Variants in MGMT observed in about 807,000 individuals in gnomAD.
MGMT encodes methylated-DNA--protein-cysteine methyltransferase.
In MGMT, 14 loss-of-function variants were observed where a neutral mutation model predicts 15.9. The observed-to-expected ratio is 0.88, with a 90% CI of 0.58 to 1.37. The LOEUF is 1.37. MGMT is among the 40% of genes most tolerant of loss of function. The pLI is 0.00. For synonymous variants in MGMT, 130 were observed against 118.2 expected, an observed-to-expected ratio of 1.10 and a Z score of -0.65; for missense variants, 282 against 268.1, an observed-to-expected ratio of 1.05 and a Z score of -0.36.
intron 3 of MGMT, among the ~76,000 whole-genome samples, chr10:129,728,305 T>G (rs1368588038): frequency 6.6e-6 from 1 of 152,038 alleles, no homozygotes; most frequent in African/African-American, 2.4e-5. Context: ...GGCATGGACG[T>G]GAGCGATGAA....
At chr10:129,631,742 T>C (rs1231839961) in intron 2 of MGMT, among the ~76,000 whole-genome samples, 1 of 152,194 alleles carries the variant, frequency 6.6e-6, no homozygotes, top group Non-Finnish European at 1.5e-5. Context: ...GAAAATCTCT[T>C]GAGCCTGGGA....
At chr10:129,652,220 T>C (rs1015301640) in intron 2 of MGMT, among the ~76,000 whole-genome samples, 1 of 152,210 alleles carries the variant, frequency 6.6e-6, no homozygotes, top group Non-Finnish European at 1.5e-5. Context: ...GGGCCGGCCA[T>C]GCGGAGAACA....
At chr10:129,732,017 C>G (rs1429873804) in intron 3 of MGMT, among the ~76,000 whole-genome samples, 1 of 152,166 alleles carries the variant, frequency 6.6e-6, no homozygotes, top group Non-Finnish European at 1.5e-5. Context: ...ATTTTGACCT[C>G]ACAAACCCCC....
rs373572921 is a variant in MGMT, at chr10:129,546,694, G to A, written c.125+10317G>A. On this transcript the variant is annotated intron_variant, in intron 2 of 4. Transcript: ENST00000651593. ...GTGTCAGGATTGCCCAGAGCTCCCC[G>A]GAGAGGAGCATCTCTCCTCTCCATG... Among the ~76,000 whole-genome samples the A allele has an allele frequency of 2.6e-4, 40 of 152,192 alleles. 1 individual carries two copies. The highest frequency in any genetic ancestry group is 3.4e-3 in the Middle Eastern group (1 of 294).
chr10:129,476,760 C>T (rs531711063), intron 1 of MGMT, among the ~76,000 whole-genome samples: 13 of 152,144 alleles, frequency 8.5e-5, no homozygotes, highest in South Asian at 6.2e-4. Flanking sequence ...TACAAGGGGC[C>T]GGGGACCCTC....
rs1303576337 is a variant in MGMT, at chr10:129,643,344, A to C, written c.126-64551A>C. 2.0e-5 allele frequency among the ~76,000 whole-genome samples: 3 copies of C among 152,244 alleles called. No homozygotes were observed. In the East Asian group the frequency reaches 5.8e-4, roughly 29 times the overall value. On this transcript the variant is annotated intron_variant, in intron 2 of 4. Coordinates refer to ENST00000651593, the MANE Select transcript of MGMT (RefSeq NM_002412.5). ...TTTGGAGAAGTCAGATGTTTAAAAC[A>C]TGAAAAGAAATGTAACTTTGAGTTG...
intron 1 of MGMT, among the ~76,000 whole-genome samples, chr10:129,468,304 G>T (rs1845193428): frequency 6.6e-6 from 1 of 152,150 alleles, no homozygotes; most frequent in African/African-American, 2.4e-5. Context: ...GCACCTGGTG[G>T]GTGGGGGTGT....
At chr10:129,702,962 G>A (rs1343906601) in intron 2 of MGMT, among the ~76,000 whole-genome samples, 8 of 152,200 alleles carry the variant, frequency 5.3e-5, no homozygotes, top group Admixed American at 2.0e-4. Context: ...GGCCGAGCGC[G>A]GCAGGGAAGG....
At chr10:129,587,381 C>G (rs1007748882) in intron 2 of MGMT, among the ~76,000 whole-genome samples, 1 of 146,462 alleles carries the variant, frequency 6.8e-6, no homozygotes, top group African/African-American at 2.5e-5. Flanking sequence ...GTTCACTAAT[C>G]TTTTCTTCTG....
At chr10:129,748,457 C>T (rs1848719296) in intron 3 of MGMT, among the ~76,000 whole-genome samples, 1 of 152,102 alleles carries the variant, frequency 6.6e-6, no homozygotes, top group African/African-American at 2.4e-5. Flanking sequence ...CTTTCTGATA[C>T]TGCAAGATTC....
At chr10:129,581,369 A>T (rs4751103) in intron 2 of MGMT, among the ~76,000 whole-genome samples, 35,229 of 152,092 alleles carry the variant, frequency 0.23, 4,691 homozygotes, top group Non-Finnish European at 0.3. Context: ...GAGACCTGCC[A>T]TTCCTCCGGT....
intron 3 of MGMT, among the ~76,000 whole-genome samples, chr10:129,730,157 G>C (rs1407421207): frequency 6.6e-6 from 1 of 152,192 alleles, no homozygotes; most frequent in Non-Finnish European, 1.5e-5. Context: ...GAGAGGGGCA[G>C]CCTACATACT....
At chr10:129,502,230 T>C (rs996749542) in intron 1 of MGMT, among the ~76,000 whole-genome samples, 1 of 152,224 alleles carries the variant, frequency 6.6e-6, no homozygotes, top group Non-Finnish European at 1.5e-5. Flanking sequence ...AATACCCACC[T>C]GTCCCTGGAG....
chr10:129,703,731 C>T (rs995040049), intron 2 of MGMT, among the ~76,000 whole-genome samples: 6 of 152,168 alleles, frequency 3.9e-5, no homozygotes, highest in East Asian at 1.9e-4. Context: ...CCACCACGGA[C>T]GCCAGCTCAT....
intron 1 of MGMT, among the ~76,000 whole-genome samples, chr10:129,512,769 G>A (rs1845698246): frequency 2.6e-5 from 4 of 152,208 alleles, no homozygotes; most frequent in Admixed American, 2.6e-4. Context: ...TGGTGAGGAT[G>A]TGGAGAAATT....
intron 2 of MGMT, among the ~76,000 whole-genome samples, chr10:129,638,740 T>G (rs1303385617): frequency 6.6e-6 from 1 of 152,038 alleles, no homozygotes; most frequent in East Asian, 1.9e-4. Flanking sequence ...ACCTTAACAA[T>G]TATAATAAAT....
At chr10:129,733,490 T>G (rs1158316314) in intron 3 of MGMT, among the ~76,000 whole-genome samples, 6 of 149,190 alleles carry the variant, frequency 4.0e-5, no homozygotes, top group African/African-American at 1.5e-4. Context: ...TTGCGAAAAT[T>G]TTCTCCCATT....
At chr10:129,474,538 C>T (rs1004352256) in intron 1 of MGMT, among the ~76,000 whole-genome samples, 2 of 152,146 alleles carry the variant, frequency 1.3e-5, no homozygotes, top group Non-Finnish European at 2.9e-5. Flanking sequence ...GTAGACAGGC[C>T]GCCCTCTGCC....
chr10:129,470,166 TTA>T (rs1319481329), intron 1 of MGMT, among the ~76,000 whole-genome samples: 2 of 152,074 alleles, frequency 1.3e-5, no homozygotes, highest in African/African-American at 4.8e-5. Context: ...GTGAAAGGAT[TTA>T]TATGGGAGGG....
Sources: gnomAD v4.1 joint callset for allele counts (sites outside exome capture counted in the v4.1 genomes callset) on GRCh38, gnomAD v4.1.1 for gene constraint, MANE v1.5 for transcripts, NCBI Gene and HGNC (gene_info 2026-07-23, HGNC 2026-07-21) for gene names.